Variants in NEURL4 observed in about 807,000 individuals in gnomAD.
The protein encoded by NEURL4 is neuralized E3 ubiquitin protein ligase 4, also known as neuralized-like protein 4.
A neutral mutation model predicts 148.0 loss-of-function variants in NEURL4; 45 were observed. The observed-to-expected ratio is 0.30, with a 90% confidence interval of 0.24 to 0.39. The LOEUF (loss-of-function observed/expected upper bound fraction) is 0.39, where lower values mean the gene tolerates loss of function less well. Among genes scored for constraint, NEURL4 ranks in the 10% least tolerant of loss-of-function variants. NEURL4 has a pLI of 1.00. For synonymous variants in NEURL4, 854 were observed against 869.0 expected, an observed-to-expected ratio of 0.98 and a Z score of 0.30; for missense variants, 1,776 against 2,144.0, an observed-to-expected ratio of 0.83 and a Z score of 3.39.
rs373789025 is a variant in NEURL4 at position 7,318,202 on chromosome 17, G to A, written c.3953-30C>T. On this transcript the variant is annotated intron_variant, in intron 24 of 28. Coordinates refer to ENST00000399464, the MANE Select transcript of NEURL4 (RefSeq NM_032442.3). This position sits in a 1 kb window ranked among gnomAD's most constrained non-coding sequence, Gnocchi z 4.3. ...GGGAGCAGAGGGGCACAGGTCACAG[G>A]AGCTGGGCTAGAAGGGTGAGGGTGG... is the stretch of plus-strand genomic sequence containing the variant. 3.1e-6 allele frequency: 5 copies of A among 1,612,580 alleles called. No individual in the cohort carries two copies. The highest frequency in any genetic ancestry group is 3.4e-6 in the Non-Finnish European group (4 of 1,178,578).
At position 7,321,012 on chromosome 17, in the gene NEURL4, G is replaced by A; in HGVS notation, c.3361-89C>T. The A allele has an allele frequency of 6.3e-7, 1 of 1,590,778 alleles. No individual in the cohort carries two copies. Among genetic ancestry groups the A allele is most frequent in the South Asian group, 1.1e-5 (1 of 89,344 alleles). On this transcript the variant is annotated intron_variant, in intron 20 of 28. Transcript: ENST00000399464. This position sits in a 1 kb window ranked among gnomAD's most constrained non-coding sequence, Gnocchi z 6.3. ...GAGTTTGCACAGATCCTGAGTGTGAGCCTCCACCCAACGATCAGAGAACCC... is the reference window on the plus strand; with the variant it reads ...GAGTTTGCACAGATCCTGAGTGTGAACCTCCACCCAACGATCAGAGAACCC...
chr17:7,323,263 C>T, intron 14 of NEURL4, 140 bp from the exon 15 acceptor site: 2 of 1,006,132 alleles, frequency 2.0e-6, no homozygotes, highest in Non-Finnish European at 1.5e-6. Context: ...CCTATCTCCT[C>T]TGTCCCTGGG....
chr17:7,321,948 C>T lies in NEURL4; in HGVS notation c.2788G>A (p.Gly930Ser). ...CCAGCGGCACGCACTGCCCTCGTGC[C>T]ATCCTCCTCTAGAGTGACGTTCTTG... is the stretch of plus-strand genomic sequence containing the variant. ...CGKNVTLEED[G>S]TRAVRAAGYA... The change falls in exon 17 of 29, where the codon GGC (glycine) becomes AGC (serine). Residue 930 changes from glycine (G) to serine (S), a missense_variant. Coordinates refer to ENST00000399464, the MANE Select transcript of NEURL4 (RefSeq NM_032442.3). The surrounding 1 kb of genome is among the most constrained non-coding windows in gnomAD (Gnocchi z 6.3). The T allele has an allele frequency of 6.2e-7, 1 of 1,613,804 alleles. No individual in the cohort carries two copies. Among genetic ancestry groups the T allele is most frequent in the Middle Eastern group, 1.6e-4 (1 of 6,062 alleles).
At position 7,329,285 on chromosome 17, in the gene NEURL4, C is replaced by T. The variant is rs2073144782; in HGVS notation, c.28G>A (p.Gly10Ser). ...CCCGGTCCAGGGCCTCCCCCAGAGC[C>T]CCCACTCCCACCCGACCCTGCCGCC... MAAGSGGSG[G>S]SGGGPGPGPG... is the part of the protein sequence containing the mutation. The change falls in exon 1 of 29, where the codon GGC (glycine) becomes AGC (serine). Residue 10 changes from glycine to serine, a missense_variant. Transcript: ENST00000399464. 4.2e-6 allele frequency: 6 copies of T among 1,432,876 alleles called. No individual in the cohort carries two copies. Among genetic ancestry groups the T allele is most frequent in the Admixed American group, 2.9e-5 (1 of 35,002 alleles). The allele number at this position is 1,432,876 out of a possible 1,614,324, so 88.8% of individuals were successfully genotyped here. A position where few individuals can be genotyped will look rare whatever the true frequency, so the allele number is the denominator to read the frequency against.
At position 7,325,463 on chromosome 17, in the gene NEURL4, G is replaced by T; in HGVS notation, c.1377C>A (p.Thr459=). The stretch of plus-strand genomic sequence containing the variant: ...CATACACCACTGGGGGCGTCAAGGG[G>T]GTTGCCACTCCTGTGGCAGGAAGGT... ...FINGIDQGVA[T]PLTPPVVYGV... The change falls in exon 8 of 29, where the codon ACC becomes ACA. Residue 459 remains threonine, a synonymous_variant. Coordinates refer to ENST00000399464, the MANE Select transcript of NEURL4 (RefSeq NM_032442.3). 1.2e-6 allele frequency: 2 copies of T among 1,611,316 alleles called. No homozygotes were observed. Among genetic ancestry groups the T allele is most frequent in the South Asian group, 2.2e-5 (2 of 91,064 alleles).
intron 28 of NEURL4, among the ~76,000 whole-genome samples, chr17:7,316,985 G>C (rs1357118155): frequency 1.3e-5 from 2 of 151,992 alleles, no homozygotes; most frequent in Non-Finnish European, 2.9e-5. Context: ...AGAGAGAAAA[G>C]GCAGAAGTTC....
In NEURL4 at chr17:7,325,234, C is replaced by G; in HGVS notation, c.1606G>C (p.Glu536Gln). 6.3e-7 allele frequency: 1 copy of G among 1,581,742 alleles called. No homozygotes were observed. Among genetic ancestry groups the G allele is most frequent in the Middle Eastern group, 1.8e-4 (1 of 5,504 alleles). Residue 536 changes from glutamate to glutamine, a missense_variant, in exon 8 of 29, where the codon GAG (glutamate) becomes CAG (glutamine). Coordinates refer to ENST00000399464, the MANE Select transcript of NEURL4 (RefSeq NM_032442.3). ...TGGGGCCTCAGGGCAGTGCGTCCCTCGTGGGTGATGGCTGCCTTCTGCCCA... is the reference window on the plus strand; with the variant it reads ...TGGGGCCTCAGGGCAGTGCGTCCCTGGTGGGTGATGGCTGCCTTCTGCCCA... ...NCGQKAAITH[E>Q]GRTALRPHAT... is the part of the protein sequence containing the mutation.
In NEURL4 at chr17:7,329,247, A is replaced by ACCCCCCCC; in HGVS notation, c.65_66insGGGGGGGG (p.Pro25ValfsTer31). On this transcript the variant is annotated frameshift_variant, in exon 1 of 29. Coordinates refer to ENST00000399464, the MANE Select transcript of NEURL4 (RefSeq NM_032442.3). LOFTEE classifies it high-confidence loss of function. ...CTGAGCCGCTCCCGCTGGGGCCCCC[A>ACCCCCCCC]CCCCCGCCCGGCCCCGGTCCAGGGC... 9 of 565,872 alleles carry ACCCCCCCC rather than the reference A, an allele frequency of 1.6e-5. No individual in the cohort carries two copies. Among genetic ancestry groups the ACCCCCCCC allele is most frequent in the South Asian group, 2.0e-5 (1 of 49,092 alleles). The allele number at this position is 565,872 out of a possible 1,614,324, so 35.1% of individuals were successfully genotyped here.
rs1177694151 is a variant in NEURL4 at position 7,329,313 on chromosome 17, C to T, written c.-1G>A. The T allele has an allele frequency of 7.9e-6, 11 of 1,389,140 alleles. No individual in the cohort carries two copies. Among genetic ancestry groups the T allele is most frequent in the Non-Finnish European group, 4.6e-6 (5 of 1,078,446 alleles). The allele number at this position is 1,389,140 out of a possible 1,614,324, so 86.1% of individuals were successfully genotyped here. On this transcript the variant is annotated 5_prime_UTR_variant, in exon 1 of 29. Transcript: ENST00000399464. ...CACTCCCACCCGACCCTGCCGCCAT[C>T]TCCGCTGACACCGGGGCAGCGCGAC...
rs751192587 is a variant in NEURL4 at position 7,324,758 on chromosome 17, C to T, written c.1813+41G>A. On this transcript the variant is annotated intron_variant, in intron 9 of 28. Coordinates refer to ENST00000399464, the MANE Select transcript of NEURL4 (RefSeq NM_032442.3). The surrounding 1 kb of genome is among the most constrained non-coding windows in gnomAD (Gnocchi z 5.9). ...GCCAGGGCTTTGGGGATAGCTTCCC[C>T]CCAAAACCCTATCCTGTCCCTGCCC... is the stretch of plus-strand genomic sequence containing the variant. 1.9e-6 allele frequency: 3 copies of T among 1,606,316 alleles called. No individual in the cohort carries two copies. The highest frequency in any genetic ancestry group is 1.1e-5 in the South Asian group (1 of 90,844).
In NEURL4 at chr17:7,327,846, T is replaced by C. The variant is rs200967110; in HGVS notation, c.321A>G (p.Thr107=). The C allele has an allele frequency of 3.1e-4, 497 of 1,613,254 alleles. 1 individual carries two copies. In the Middle Eastern group the frequency reaches 9.6e-3, roughly 31 times the overall value. ...AGTCCAGCACACTGGGGTCCAGCGC[T>C]GTCACCCCAATCTCAATGGAGCCGC... ...SWSGSIEIGV[T]ALDPSVLDFP... is the part of the protein sequence containing the mutation. The change falls in exon 2 of 29, where the codon ACA becomes ACG. Residue 107 remains threonine, a synonymous_variant. Transcript: ENST00000399464. The surrounding 1 kb of genome is among the most constrained non-coding windows in gnomAD (Gnocchi z 6.6).
At chr17:7,325,144 T>TTGGGGGGGGGGGGGGC in intron 8 of NEURL4, 65 bp downstream of exon 8, 5 of 956,488 alleles carry the variant, frequency 5.2e-6, no homozygotes, top group Non-Finnish European at 7.7e-6. Flanking sequence ...TCCACTTCCT[T>TTGGGGGGGGGGGGGGC]GCCCCGCCCC....
In NEURL4 at chr17:7,327,040, G is replaced by A. The variant is rs773153912; in HGVS notation, c.794-31C>T. ...GCAGCAGGATGGAAGAAGGAAGCTC[G>A]GAAGTTGGGATGAGGCTCTACACCC... On this transcript the variant is annotated intron_variant, in intron 3 of 28. Transcript: ENST00000399464. This position sits in a 1 kb window ranked among gnomAD's most constrained non-coding sequence, Gnocchi z 6.6. 5.6e-6 allele frequency: 9 copies of A among 1,605,580 alleles called. No individual in the cohort carries two copies. The highest frequency in any genetic ancestry group is 4.5e-5 in the East Asian group (2 of 44,852).
Position 7,315,977 on chromosome 17 carries a change from G to T in NEURL4, c.*146C>A. The T allele has an allele frequency of 1.6e-6, 1 of 630,912 alleles. No individual in the cohort carries two copies. The highest frequency in any genetic ancestry group is 2.9e-6 in the Non-Finnish European group (1 of 346,900). The allele number at this position is 630,912 out of a possible 1,614,324, so 39.1% of individuals were successfully genotyped here. On this transcript the variant is annotated 3_prime_UTR_variant, in exon 29 of 29. Coordinates refer to ENST00000399464, the MANE Select transcript of NEURL4 (RefSeq NM_032442.3). ...GCTGTGCCACTTGCCACCTACATCT[G>T]AGAGCCTGCCTACATGCTCCTGCGC...
rs1372505305 is a variant in NEURL4 at position 7,319,701 on chromosome 17, AAAAAAAAC to A, written c.3526-501_3526-494del. Among the ~76,000 whole-genome samples, 467 of 89,196 alleles carry A rather than the reference AAAAAAAAC, an allele frequency of 5.2e-3. 3 individuals carry two copies. The highest frequency in any genetic ancestry group is 0.018 in the South Asian group (40 of 2,238). 58.5% of individuals were successfully genotyped at this position (89,196 alleles called of 152,430 possible). On this transcript the variant is annotated intron_variant, in intron 21 of 28. Coordinates refer to ENST00000399464, the MANE Select transcript of NEURL4 (RefSeq NM_032442.3). ...GGCGACAAGAGCTAAACTCCGTCTC[AAAAAAAAC>A]AAAAAAACAAAAAAACAAAAAAAAA...
chr17:7,325,013 C>T (rs2073083294), intron 8 of NEURL4, 33 bp from the exon 9 acceptor site: 1 of 1,610,444 alleles, frequency 6.2e-7, no homozygotes, highest in African/African-American at 1.3e-5. Context: ...GTCAGATCCC[C>T]AACACACGCT....
At chr17:7,328,703 C>T (rs1327217019) in intron 1 of NEURL4, among the ~76,000 whole-genome samples, 15 of 152,196 alleles carry the variant, frequency 9.9e-5, no homozygotes, top group Admixed American at 8.5e-4. Context: ...TGGCATCTTT[C>T]TTCACTTGCC....
In NEURL4 at chr17:7,329,294, C is replaced by CACCCG; in HGVS notation, c.14_18dup (p.Gly7ArgfsTer48). 1 of 1,416,682 alleles carries CACCCG rather than the reference C, an allele frequency of 7.1e-7. No homozygotes were observed. Among genetic ancestry groups the CACCCG allele is most frequent in the Non-Finnish European group, 9.2e-7 (1 of 1,092,338 alleles). 87.8% of individuals were successfully genotyped at this position (1,416,682 alleles called of 1,614,324 possible). A position where few individuals can be genotyped will look rare whatever the true frequency, so the allele number is the denominator to read the frequency against. ...GGGCCTCCCCCAGAGCCCCCACTCC[C>CACCCG]ACCCGACCCTGCCGCCATCTCCGCT... On this transcript the variant is annotated frameshift_variant, in exon 1 of 29. Coordinates refer to ENST00000399464, the MANE Select transcript of NEURL4 (RefSeq NM_032442.3). LOFTEE classifies it high-confidence loss of function.
chr17:7,317,563 G>T lies in NEURL4; in HGVS notation c.4216C>A (p.Arg1406Ser). Residue 1406 changes from arginine (R) to serine (S), a missense_variant, in exon 27 of 29, where the codon CGC becomes AGC. Physicochemically the swap from Arg to Ser is moderately radical, Grantham distance 110. Coordinates refer to ENST00000399464, the MANE Select transcript of NEURL4 (RefSeq NM_032442.3). Reference protein sequence around the residue: ...WCRFNLRVNPRLEAGTLTKKW... With the variant: ...WCRFNLRVNPSLEAGTLTKKW... ...TTGGTTAGTGTCCCAGCCTCCAGGCGGGGATTCACTCTAGGAGGTGGACAA... is the reference window on the plus strand; with the variant it reads ...TTGGTTAGTGTCCCAGCCTCCAGGCTGGGATTCACTCTAGGAGGTGGACAA... The T allele has an allele frequency of 6.2e-7, 1 of 1,613,848 alleles. No individual in the cohort carries two copies. The highest frequency in any genetic ancestry group is 8.5e-7 in the Non-Finnish European group (1 of 1,179,752).
Sources: gnomAD v4.1 joint callset for allele counts (sites outside exome capture counted in the v4.1 genomes callset) on GRCh38, gnomAD v4.1.1 for gene constraint, Gnocchi (gnomAD v3.1) non-coding constraint, MANE v1.5 for transcripts, NCBI Gene and HGNC (gene_info 2026-07-23, HGNC 2026-07-21) for gene names.